Variants in ZNF562 observed in about 807,000 individuals in gnomAD.
ZNF562 encodes the protein zinc finger protein 562.
A neutral mutation model predicts 17.5 loss-of-function variants in ZNF562; 13 were observed. The observed-to-expected ratio is 0.74, with a 90% CI of 0.48 to 1.18. ZNF562 has a LOEUF of 1.18. Among genes scored for constraint, ZNF562 ranks in the 50% most tolerant of loss-of-function variants. The probability of loss-of-function intolerance (pLI) is 0.00; values close to 1 mark genes in which losing one functional copy is unlikely to be tolerated. For synonymous variants in ZNF562, 163 were observed against 165.4 expected (o/e 0.99, Z 0.11); for missense variants, 481 against 498.5 (o/e 0.96, Z 0.33).
chr19:9,672,484 A>C (rs1302715320), intron 1 of ZNF562, among the ~76,000 whole-genome samples: 2 of 152,220 alleles, frequency 1.3e-5, no homozygotes, highest in Non-Finnish European at 2.9e-5. Context: ...TAAATCTACT[A>C]GACTGGGTGT....
At chr19:9,663,214 C>G (rs1415319921) in intron 1 of ZNF562, among the ~76,000 whole-genome samples, 1 of 146,298 alleles carries the variant, frequency 6.8e-6, no homozygotes, top group East Asian at 2.0e-4. Context: ...GACCATCCGG[C>G]TAATGCAGTG....
At chr19:9,666,318 C>T (rs900914089) in intron 1 of ZNF562, among the ~76,000 whole-genome samples, 7 of 139,152 alleles carry the variant, frequency 5.0e-5, no homozygotes, top group African/African-American at 1.7e-4. Flanking sequence ...AACAAACCTC[C>T]GTCTCAAAAA....
chr19:9,669,754 A>ACACG lies in ZNF562; in HGVS notation c.-131+5260_-131+5261insCGTG, dbSNP rs1555699579. On this transcript the variant is annotated intron_variant, in intron 1 of 5. Coordinates refer to ENST00000453372, the MANE Select transcript of ZNF562 (RefSeq NM_001130031.2). ...CGCGCGCACACACACACACACACAC[A>ACACG]CACACACACACACACACACACAACC... Among the ~76,000 whole-genome samples, 259 of 149,620 alleles carry ACACG rather than the reference A, an allele frequency of 1.7e-3. 3 individuals carry two copies. The East Asian group carries it at 0.037, about 22-fold the overall frequency.
At chr19:9,669,730 GCGCGCACA>G (rs1196255355) in intron 1 of ZNF562, among the ~76,000 whole-genome samples, 2,320 of 86,762 alleles carry the variant, frequency 0.027, 70 homozygotes, top group African/African-American at 0.084. Flanking sequence ...GCGCGCGCGC[GCGCGCACA>G]CACACACACA....
At chr19:9,669,730 GCGCGCACACACACACACA>G (rs1340051903) in intron 1 of ZNF562, among the ~76,000 whole-genome samples, 7 of 86,956 alleles carry the variant, frequency 8.1e-5, no homozygotes, top group African/African-American at 2.8e-4. Flanking sequence ...GCGCGCGCGC[GCGCGCACACACACACACA>G]CACACACACA....
At chr19:9,663,208 A>G (rs1025430422) in intron 1 of ZNF562, among the ~76,000 whole-genome samples, 9 of 150,138 alleles carry the variant, frequency 6.0e-5, no homozygotes, top group Non-Finnish European at 1.2e-4. Context: ...GATCGAGACC[A>G]TCCGGCTAAT....
chr19:9,656,556 C>T lies in ZNF562; in HGVS notation c.339G>A (p.Gly113=), dbSNP rs367931511. The T allele has an allele frequency of 1.0e-4, 164 of 1,613,392 alleles. No individual in the cohort carries two copies. The highest frequency in any genetic ancestry group is 1.3e-4 in the Non-Finnish European group (158 of 1,179,782). ...CCCTCATGAATCTTACCATTTGTAT[C>T]CCAGTGAATATTTGATTCTTCAAAA... ...QGFLKNQIFT[G]IQMQTRSYSG... is the part of the protein sequence containing the mutation. Residue 113 remains glycine, a synonymous_variant, in exon 5 of 6, where the codon GGG becomes GGA. Transcript: ENST00000453372.
At chr19:9,665,498 C>A (rs2043922527) in intron 1 of ZNF562, among the ~76,000 whole-genome samples, 1 of 152,100 alleles carries the variant, frequency 6.6e-6, no homozygotes, top group Non-Finnish European at 1.5e-5. Flanking sequence ...GGAGAAATAC[C>A]CTGAGGACAT....
At chr19:9,657,930 A>C in intron 4 of ZNF562, 79 bp downstream of exon 4, 1 of 1,505,482 alleles carries the variant, frequency 6.6e-7, no homozygotes, top group Non-Finnish European at 8.9e-7. Context: ...GGCTCCAGCG[A>C]TTCTCCCACC....
At chr19:9,672,133 A>G (rs1385206224) in intron 1 of ZNF562, among the ~76,000 whole-genome samples, 7 of 152,244 alleles carry the variant, frequency 4.6e-5, no homozygotes, top group African/African-American at 1.7e-4. Flanking sequence ...TATAATGGAC[A>G]GTAATAACTG....
Position 9,653,607 on chromosome 19 carries a change from TC to T in ZNF562, c.622del (p.Glu208AsnfsTer40). 6.2e-7 allele frequency: 1 copy of T among 1,614,148 alleles called. No homozygotes were observed. The highest frequency in any genetic ancestry group is 8.5e-7 in the Non-Finnish European group (1 of 1,179,990). On this transcript the variant is annotated frameshift_variant, in exon 6 of 6. Transcript: ENST00000453372. LOFTEE classifies it low-confidence loss of function (END_TRUNC). ...AAAATACTTAAAGCCTTTTCCACAT[TC>T]CTTACATTTGTAGGGTTGTCTTCCA... ...LNGRQPYKCK[E>X]CGKGFKYFAS...
chr19:9,669,754 A>ACACACACACG (rs2044105516), intron 1 of ZNF562, among the ~76,000 whole-genome samples: 2 of 149,622 alleles, frequency 1.3e-5, no homozygotes, highest in South Asian at 4.3e-4. Flanking sequence ...ACACACACAC[A>ACACACACACG]CACACACACA....
chr19:9,654,080 T>G (rs1201272870), intron 5 of ZNF562, among the ~76,000 whole-genome samples, 199 bp from the exon 6 acceptor site: 1 of 150,762 alleles, frequency 6.6e-6, no homozygotes, highest in Non-Finnish European at 1.5e-5. Flanking sequence ...AACCTTCACC[T>G]CCCAGGCTCA....
chr19:9,657,574 G>A (rs1398474270), intron 4 of ZNF562, among the ~76,000 whole-genome samples: 1 of 142,736 alleles, frequency 7.0e-6, no homozygotes, highest in African/African-American at 2.6e-5. Flanking sequence ...TTGAGTCAAA[G>A]TCCCACTCTG....
intron 1 of ZNF562, among the ~76,000 whole-genome samples, chr19:9,664,472 C>T (rs982813739): frequency 2.6e-5 from 4 of 152,202 alleles, no homozygotes; most frequent in Non-Finnish European, 5.9e-5. Context: ...CACCACTGGC[C>T]AGTGGACTGT....
chr19:9,669,464 G>A (rs543790326), intron 1 of ZNF562, among the ~76,000 whole-genome samples: 1 of 152,124 alleles, frequency 6.6e-6, no homozygotes, highest in Non-Finnish European at 1.5e-5. Flanking sequence ...AACAAATGCT[G>A]ATGAGGATAT....
rs927003886 is a variant in ZNF562, at chr19:9,650,571, T to C, written c.*2378A>G. ...AAACATGAGGAAGTGGGCACTTACA[T>C]GCCAGGAAGAGAGCTCTCACTAGAG... On this transcript the variant is annotated 3_prime_UTR_variant, in exon 6 of 6. Transcript: ENST00000453372. 1 of 152,106 alleles carries C rather than the reference T, an allele frequency of 6.6e-6. No individual in the cohort carries two copies. The highest frequency in any genetic ancestry group is 1.5e-5 in the Non-Finnish European group (1 of 68,014). 9.4% of individuals were successfully genotyped at this position (152,106 alleles called of 1,614,324 possible).
At position 9,653,261 on chromosome 19, in the gene ZNF562, T is replaced by C. The variant is rs1225890478; in HGVS notation, c.969A>G (p.Lys323=). ...IKPHKCTECG[K]AFTRSTHLTQ... ...TAAGGTGAGTTGATCTAGTGAAGGC[T>C]TTCCCACATTCCGTACATTTGTGTG... The change falls in exon 6 of 6, where the codon AAA becomes AAG. Residue 323 remains lysine (K), a synonymous_variant. Coordinates refer to ENST00000453372, the MANE Select transcript of ZNF562 (RefSeq NM_001130031.2). 1.9e-6 allele frequency: 3 copies of C among 1,614,230 alleles called. No individual in the cohort carries two copies. The highest frequency in any genetic ancestry group is 4.5e-5 in the East Asian group (2 of 44,882).
intron 1 of ZNF562, among the ~76,000 whole-genome samples, chr19:9,664,779 A>G (rs890971291): frequency 1.3e-5 from 2 of 151,510 alleles, no homozygotes; most frequent in Non-Finnish European, 2.9e-5. Flanking sequence ...TAATCCCAGC[A>G]CTCTGGGAGG....
Sources: allele counts gnomAD v4.1 joint callset (sites outside exome capture counted in the v4.1 genomes callset), GRCh38; gene constraint gnomAD v4.1.1; transcripts MANE v1.5; gene names NCBI Gene and HGNC (gene_info 2026-07-23, HGNC 2026-07-21).